The following TDRD7 variants were observed in gnomAD, a reference collection of about 807,000 sequenced individuals.
The protein encoded by TDRD7 is tudor domain containing 7.
A neutral mutation model predicts 109.8 loss-of-function variants in TDRD7; 47 were observed. That is an observed-to-expected ratio of 0.43 (90% CI 0.34 to 0.55). TDRD7 has a LOEUF of 0.55. Among genes scored for constraint, TDRD7 ranks in the 20% least tolerant of loss-of-function variants. The probability of loss-of-function intolerance (pLI) is 0.03; values close to 1 mark genes in which losing one functional copy is unlikely to be tolerated. For missense variants in TDRD7, 1,164 were observed against 1,319.2 expected, an observed-to-expected ratio of 0.88 and a Z score of 1.82; for synonymous variants, 424 against 457.3, an observed-to-expected ratio of 0.93 and a Z score of 0.93.
At chr9:97,435,579 T>G (rs191168710) in intron 4 of TDRD7, among the ~76,000 whole-genome samples, 10 of 151,572 alleles carry the variant, frequency 6.6e-5, no homozygotes, top group African/African-American at 2.4e-4. Context: ...CAGGGTACAG[T>G]GAGTTATAAT....
rs774978489 is a variant in TDRD7 at position 97,428,671 on chromosome 9, A to T, written c.206A>T (p.Glu69Val). The T allele has an allele frequency of 1.2e-6, 2 of 1,613,160 alleles. No individual in the cohort carries two copies. Among genetic ancestry groups the T allele is most frequent in the South Asian group, 2.2e-5 (2 of 91,068 alleles). ...VVRIETSRSG[E>V]ITCYAMACTE... is the part of the protein sequence containing the mutation. ...AGGATAGAGACTAGTAGATCTGGAG[A>T]GGTAAGAAGGTAATTGTGCGTGTCA... Residue 69 changes from glutamate (E) to valine (V), a missense_variant and splice_region_variant, in exon 2 of 17, where the codon GAG becomes GTG. Physicochemically the swap from Glu to Val is moderately radical, Grantham distance 121. Coordinates refer to ENST00000355295, the MANE Select transcript of TDRD7 (RefSeq NM_014290.3).
chr9:97,447,930 C>A (rs745746884), intron 6 of TDRD7, among the ~76,000 whole-genome samples: 8 of 152,158 alleles, frequency 5.3e-5, no homozygotes, highest in Non-Finnish European at 1.0e-4. Flanking sequence ...TAAATAATTG[C>A]AATGTGTGTC....
chr9:97,450,906 CTTT>C (rs760367112), intron 6 of TDRD7, among the ~76,000 whole-genome samples: 1 of 141,708 alleles, frequency 7.1e-6, no homozygotes, highest in Admixed American at 7.1e-5. Context: ...AGTTAGGTCT[CTTT>C]TTTTTTTTTT....
rs754177638 is a variant in TDRD7, at chr9:97,473,550, A to G, written c.2003A>G (p.Tyr668Cys). The G allele has an allele frequency of 6.2e-7, 1 of 1,613,846 alleles. No individual in the cohort carries two copies. Among genetic ancestry groups the G allele is most frequent in the East Asian group, 2.2e-5 (1 of 44,862 alleles). ...VTNICSDGTL[Y>C]CQVPCKGLNK... is the part of the protein sequence containing the mutation. ...AATATTTGCTCTGATGGGACACTCT[A>G]CTGCCAGGTGCCTTGTAAGGGTCTG... The change falls in exon 11 of 17, where the codon TAC (tyrosine) becomes TGC (cysteine). Residue 668 changes from tyrosine (Y) to cysteine (C), a missense_variant. By Grantham distance (194) the Tyr-to-Cys change is radical (BLOSUM62 -2). Transcript: ENST00000355295.
intron 6 of TDRD7, among the ~76,000 whole-genome samples, chr9:97,449,604 C>T (rs1026375493): frequency 1.3e-5 from 2 of 152,308 alleles, no homozygotes; most frequent in Middle Eastern, 3.4e-3. Context: ...CTGCCACCCT[C>T]CAGGCAGCCC....
chr9:97,446,015 C>T (rs1828394149), intron 6 of TDRD7, among the ~76,000 whole-genome samples: 1 of 152,070 alleles, frequency 6.6e-6, no homozygotes, highest in Non-Finnish European at 1.5e-5. Flanking sequence ...GCTTGTAGTT[C>T]CATCTGCTCA....
intron 16 of TDRD7, among the ~76,000 whole-genome samples, chr9:97,494,712 A>ATATATATATATAT (rs1829366591): frequency 1.4e-5 from 1 of 73,492 alleles, no homozygotes; most frequent in Non-Finnish European, 3.0e-5. Context: ...ATATATATAT[A>ATATATATATATAT]TTTTTTTTTT....
At chr9:97,433,534 A>G (rs1175029710) in intron 4 of TDRD7, among the ~76,000 whole-genome samples, 1 of 152,050 alleles carries the variant, frequency 6.6e-6, no homozygotes, top group Non-Finnish European at 1.5e-5. Context: ...ACATCAAGCT[A>G]AAAAGCTTCT....
intron 8 of TDRD7, among the ~76,000 whole-genome samples, chr9:97,467,387 G>A (rs1284069924): frequency 6.6e-6 from 1 of 152,146 alleles, no homozygotes; most frequent in Non-Finnish European, 1.5e-5. Flanking sequence ...AGGCTCTCGT[G>A]TCAGATAGAA....
intron 16 of TDRD7, among the ~76,000 whole-genome samples, chr9:97,488,303 C>T (rs1438450455): frequency 6.6e-6 from 1 of 152,198 alleles, no homozygotes; most frequent in Non-Finnish European, 1.5e-5. Context: ...ATATGTGGAA[C>T]ACAGTGACAG....
At chr9:97,424,842 C>G (rs1237866485) in intron 1 of TDRD7, among the ~76,000 whole-genome samples, 1 of 151,938 alleles carries the variant, frequency 6.6e-6, no homozygotes, top group Non-Finnish European at 1.5e-5. Flanking sequence ...TCTATTTTCT[C>G]TACCCTTTTT....
At chr9:97,489,251 T>A (rs919152080) in intron 16 of TDRD7, among the ~76,000 whole-genome samples, 1 of 152,252 alleles carries the variant, frequency 6.6e-6, no homozygotes, top group African/African-American at 2.4e-5. Context: ...TTAAAATCTC[T>A]ACCTATCAGA....
intron 3 of TDRD7, 38 bp from the exon 4 acceptor site, chr9:97,431,987 A>C: frequency 6.4e-7 from 1 of 1,570,540 alleles, no homozygotes; most frequent in Non-Finnish European, 8.8e-7. Flanking sequence ...GGGTTTGGGG[A>C]TGCTAATTGA....
At chr9:97,417,712 T>C (rs1482636269) in intron 1 of TDRD7, among the ~76,000 whole-genome samples, 1 of 152,232 alleles carries the variant, frequency 6.6e-6, no homozygotes, top group Non-Finnish European at 1.5e-5. Flanking sequence ...AGGCATAATC[T>C]TCTGCAATCC....
intron 12 of TDRD7, among the ~76,000 whole-genome samples, chr9:97,476,750 G>C (rs933539677): frequency 1.1e-4 from 16 of 151,584 alleles, no homozygotes; most frequent in Non-Finnish European, 2.1e-4. Flanking sequence ...ATATTTTGGG[G>C]GAAAAGTATG....
At position 97,470,589 on chromosome 9, in the gene TDRD7, A is replaced by T; in HGVS notation, c.1661A>T (p.Asn554Ile). 2.5e-6 allele frequency: 4 copies of T among 1,613,890 alleles called. No individual in the cohort carries two copies. Among genetic ancestry groups the T allele is most frequent in the Non-Finnish European group, 3.4e-6 (4 of 1,179,908 alleles). The change falls in exon 9 of 17, where the codon AAT becomes ATT. Residue 554 changes from asparagine to isoleucine, a missense_variant. Transcript: ENST00000355295. ...TATGTTGACTATGGTTTTAGTGAAA[A>T]TGTTGAAAAAAGCAAAGCATACAAA... ...VCYVDYGFSENVEKSKAYKLN... is the reference protein window; with the variant it reads ...VCYVDYGFSEIVEKSKAYKLN...
At chr9:97,486,228 A>G (rs1829209666) in intron 15 of TDRD7, among the ~76,000 whole-genome samples, 1 of 152,190 alleles carries the variant, frequency 6.6e-6, no homozygotes, top group South Asian at 2.1e-4. Flanking sequence ...GACCACCTCC[A>G]TAGACACTTT....
rs771366570 is a variant in TDRD7 at position 97,495,630 on chromosome 9, C to T, written c.3077-33C>T. ...TCAAAGAAAAGCTCCTTTGACTCCT[C>T]ACTGCTCCCTCTTCTTCCTCTCTTC... On this transcript the variant is annotated intron_variant, in intron 16 of 16. Transcript: ENST00000355295. The T allele has an allele frequency of 1.1e-5, 17 of 1,591,704 alleles. No homozygotes were observed. The South Asian group carries it at 1.7e-4, about 15-fold the overall frequency.
At chr9:97,451,913 TTGA>T (rs1479540922) in intron 6 of TDRD7, among the ~76,000 whole-genome samples, 1 of 152,250 alleles carries the variant, frequency 6.6e-6, no homozygotes, top group African/African-American at 2.4e-5. Flanking sequence ...GTCTTCTGTG[TTGA>T]TGATTGTTGT....
Sources: allele counts gnomAD v4.1 joint callset (sites outside exome capture counted in the v4.1 genomes callset), GRCh38; gene constraint gnomAD v4.1.1; transcripts MANE v1.5; gene names NCBI Gene and HGNC (gene_info 2026-07-23, HGNC 2026-07-21).